Variants in MAGEB10 observed in about 807,000 individuals in gnomAD.
MAGEB10 encodes melanoma-associated antigen B10.
For synonymous variants in MAGEB10, 99 were observed against 101.0 expected (o/e 0.98, Z 0.12); for missense variants, 190 against 261.9 (o/e 0.73, Z 1.89).
At position 27,821,274 on chromosome X, in the gene MAGEB10, C is replaced by A. The variant is rs754220219; in HGVS notation, c.-33C>A. 8.6e-7 allele frequency: 1 copy of A among 1,160,121 alleles called. No homozygotes were observed. The highest frequency in any genetic ancestry group is 3.0e-5 in the East Asian group (1 of 33,380). On this transcript the variant is annotated 5_prime_UTR_variant, in exon 3 of 3. Coordinates refer to ENST00000356790, the MANE Select transcript of MAGEB10 (RefSeq NM_182506.3). ...CTTCTCCAGGTCACGGGATCACCTGCCTTTTTGGCTGCTGCACCTGAACAG... is the reference window on the plus strand; with the variant it reads ...CTTCTCCAGGTCACGGGATCACCTGACTTTTTGGCTGCTGCACCTGAACAG...
At chrX:27,812,783 T>A in intron 1 of MAGEB10, 1 of 350,318 alleles carries the variant, frequency 2.9e-6, no homozygotes, top group Non-Finnish European at 5.7e-6. Context: ...CAGTCCCCAG[T>A]GCCTTCCCAT....
chrX:27,811,707 C>A (rs1462352385), intron 1 of MAGEB10, among the ~76,000 whole-genome samples: 1 of 112,220 alleles, frequency 8.9e-6, no homozygotes, highest in Admixed American at 9.4e-5. Context: ...AAAGGCCCTT[C>A]AGAGAAGAGT....
chrX:27,809,374 T>TCCCCCCCCC (rs1923611614), intron 1 of MAGEB10, among the ~76,000 whole-genome samples: 1 of 48,522 alleles, frequency 2.1e-5, no homozygotes, highest in African/African-American at 8.6e-5. Context: ...CCTGAGCCTC[T>TCCCCCCCCC]CCCACCCCCC....
At chrX:27,814,974 G>T (rs1414292440) in intron 1 of MAGEB10, among the ~76,000 whole-genome samples, 2 of 112,255 alleles carry the variant, frequency 1.8e-5, no homozygotes, top group Non-Finnish European at 3.8e-5. Context: ...GAGAAAATGA[G>T]AATTGAACAC....
intron 1 of MAGEB10, among the ~76,000 whole-genome samples, chrX:27,814,295 A>G (rs1602863072): frequency 9.0e-6 from 1 of 110,947 alleles, no homozygotes; most frequent in Non-Finnish European, 1.9e-5. Flanking sequence ...AACTCAAGTG[A>G]GGGCTAGATT....
intron 1 of MAGEB10, among the ~76,000 whole-genome samples, chrX:27,809,152 C>T (rs1019583086): frequency 5.4e-5 from 6 of 111,256 alleles, no homozygotes; most frequent in Admixed American, 9.4e-5. Flanking sequence ...GAGGCCTGGG[C>T]GGGAACCAGG....
chrX:27,809,722 G>C (rs1401576694), intron 1 of MAGEB10, among the ~76,000 whole-genome samples: 1 of 97,681 alleles, frequency 1.0e-5, no homozygotes, highest in Non-Finnish European at 2.0e-5. Flanking sequence ...CGGCCCCAGT[G>C]CGGGATCCAC....
At chrX:27,814,739 C>T (rs1469167399) in intron 1 of MAGEB10, among the ~76,000 whole-genome samples, 1 of 111,850 alleles carries the variant, frequency 8.9e-6, no homozygotes, top group South Asian at 3.7e-4. Flanking sequence ...AAAGCCTGAG[C>T]CTCATAGAGC....
chrX:27,818,190 T>C (rs1923816840), intron 2 of MAGEB10, among the ~76,000 whole-genome samples: 1 of 110,923 alleles, frequency 9.0e-6, no homozygotes, highest in Non-Finnish European at 1.9e-5. Context: ...CTGCGTCAAT[T>C]AATACCAGTT....
chrX:27,810,365 A>G lies in MAGEB10; in HGVS notation c.-199+2329A>G, dbSNP rs150655082. Among the ~76,000 whole-genome samples, 461 of 111,840 alleles carry G rather than the reference A, an allele frequency of 4.1e-3. 8 individuals carry two copies. Among genetic ancestry groups the G allele is most frequent in the Middle Eastern group, 0.032 (7 of 218 alleles). On this transcript the variant is annotated intron_variant, in intron 1 of 2. Coordinates refer to ENST00000356790, the MANE Select transcript of MAGEB10 (RefSeq NM_182506.3). ...AACAAACTCCGGACACGCCACCTTT[A>G]AGAACTGTAACACTCACCACGAGGG...
chrX:27,814,695 C>T (rs757902804), intron 1 of MAGEB10, among the ~76,000 whole-genome samples: 9 of 111,756 alleles, frequency 8.1e-5, no homozygotes, highest in African/African-American at 2.9e-4. Flanking sequence ...CCCAGAAATC[C>T]TACAAGGCAA....
intron 1 of MAGEB10, among the ~76,000 whole-genome samples, chrX:27,809,894 A>G (rs988703290): frequency 2.8e-5 from 3 of 108,973 alleles, no homozygotes; most frequent in African/African-American, 6.7e-5. Flanking sequence ...GAATACACCA[A>G]TGGACACTCT....
chrX:27,819,506 G>A lies in MAGEB10; in HGVS notation c.-49-1752G>A, dbSNP rs138001589. Among the ~76,000 whole-genome samples, 10 of 111,591 alleles carry A rather than the reference G, an allele frequency of 9.0e-5. No homozygotes were observed. The East Asian group carries it at 2.8e-3, about 32-fold the overall frequency. ...AAGTTAAAGACCTTAACTGAGATCT[G>A]AGGACTCTTTATACCAGAAGAGAGA... On this transcript the variant is annotated intron_variant, in intron 2 of 2. Coordinates refer to ENST00000356790, the MANE Select transcript of MAGEB10 (RefSeq NM_182506.3).
rs762673521 is a variant in MAGEB10, at chrX:27,822,229, C to T, written c.923C>T (p.Thr308Ile). ...CCCAGTGAATTCTCAAACTGGTATACAGAGGCTTTACAAGATGAGGAAGAG... is the reference window on the plus strand; with the variant it reads ...CCCAGTGAATTCTCAAACTGGTATATAGAGGCTTTACAAGATGAGGAAGAG... ...TAPSEFSNWYTEALQDEEERA... is the reference protein window; with the variant it reads ...TAPSEFSNWYIEALQDEEERA... The change falls in exon 3 of 3, where the codon ACA becomes ATA. Residue 308 changes from threonine to isoleucine, a missense_variant. Thr to Ile is a moderately conservative substitution (Grantham distance 89, BLOSUM62 -1). Transcript: ENST00000356790. 57 of 1,211,360 alleles carry T rather than the reference C, an allele frequency of 4.7e-5. No individual in the cohort carries two copies. The highest frequency in any genetic ancestry group is 2.3e-4 in the Middle Eastern group (1 of 4,355).
intron 1 of MAGEB10, among the ~76,000 whole-genome samples, chrX:27,809,421 C>CCAACCCCGCCAGCCCCCT (rs1923617872): frequency 3.5e-5 from 1 of 28,187 alleles, no homozygotes. Context: ...GCCAGCCCCC[C>CCAACCCCGCCAGCCCCCT]CCAACCCCGC....
At chrX:27,815,015 C>T (rs1356974439) in intron 1 of MAGEB10, among the ~76,000 whole-genome samples, 2 of 111,919 alleles carry the variant, frequency 1.8e-5, no homozygotes, top group African/African-American at 3.2e-5. Context: ...GCCTCATTTT[C>T]GTAGGGTCCA....
At chrX:27,815,187 C>G (rs1247079188) in intron 1 of MAGEB10, among the ~76,000 whole-genome samples, 1 of 112,047 alleles carries the variant, frequency 8.9e-6, no homozygotes, top group East Asian at 2.8e-4. Context: ...CAGCTCTTCC[C>G]TGCTTCCTTC....
At chrX:27,810,376 C>T (rs756198615) in intron 1 of MAGEB10, among the ~76,000 whole-genome samples, 3 of 111,829 alleles carry the variant, frequency 2.7e-5, no homozygotes, top group East Asian at 5.7e-4. Flanking sequence ...AGAACTGTAA[C>T]ACTCACCACG....
At chrX:27,811,856 C>A in intron 1 of MAGEB10, 1 of 129,022 alleles carries the variant, frequency 7.8e-6, no homozygotes, top group Middle Eastern at 1.8e-3. Context: ...CTGTCTCACA[C>A]TACTACTTAC....
Sources: allele counts gnomAD v4.1 joint callset (sites outside exome capture counted in the v4.1 genomes callset), GRCh38; gene constraint gnomAD v4.1.1; transcripts MANE v1.5; gene names NCBI Gene and HGNC (gene_info 2026-07-23, HGNC 2026-07-21).